The following PDE10A variants were observed in gnomAD, a reference collection of about 807,000 sequenced individuals.
PDE10A encodes the protein cAMP and cAMP-inhibited cGMP 3',5'-cyclic phosphodiesterase 10A.
PDE10A carries 39 observed loss-of-function variants against 97.7 expected under a neutral mutation model. That is an observed-to-expected ratio of 0.40 (90% confidence interval 0.31 to 0.52). PDE10A has a LOEUF of 0.52. Among genes scored for constraint, PDE10A ranks in the 20% least tolerant of loss-of-function variants. The pLI, the probability that PDE10A is intolerant of heterozygous loss-of-function variation, is 0.56. For synonymous variants in PDE10A, 371 were observed against 376.8 expected (o/e 0.98, Z 0.18); for missense variants, 731 against 1,047.8 (o/e 0.70, Z 4.17).
chr6:165,605,156 T>C (rs1183789851), intron 1 of PDE10A, among the ~76,000 whole-genome samples: 5 of 152,160 alleles, frequency 3.3e-5, no homozygotes, highest in African/African-American at 1.2e-4. Flanking sequence ...CTTCATCATC[T>C]CTCTCTACAG....
Position 165,974,967 on chromosome 6 carries a change from G to A in PDE10A, c.-615+12562C>T, listed in dbSNP as rs1784805727. Among the ~76,000 whole-genome samples the A allele has an allele frequency of 1.3e-5, 2 of 152,182 alleles. 1 individual carries two copies. The highest frequency in any genetic ancestry group is 1.3e-4 in the Admixed American group (2 of 15,276). ...GGGATATTTTGGCTGGGTTAACCGG[G>A]ACAAGGTATTCTTTCCTGGCTGCGC... On this transcript the variant is annotated intron_variant, in intron 1 of 19. Transcript: ENST00000366882.
chr6:165,629,059 G>A (rs1157052832), intron 1 of PDE10A, among the ~76,000 whole-genome samples: 2 of 151,896 alleles, frequency 1.3e-5, no homozygotes, highest in Non-Finnish European at 2.9e-5. Context: ...ACTATTTCAG[G>A]ATTTTTGATG....
intron 2 of PDE10A, among the ~76,000 whole-genome samples, chr6:165,542,609 G>GTCCTTTTTTTTTTTT (rs1783505959): frequency 1.0e-5 from 1 of 95,916 alleles, no homozygotes; most frequent in Non-Finnish European, 2.1e-5. Flanking sequence ...AGATGTCCTT[G>GTCCTTTTTTTTTTTT]TTCTTTTTTT....
intron 1 of PDE10A, among the ~76,000 whole-genome samples, chr6:165,876,782 A>G (rs2128479805): frequency 6.6e-6 from 1 of 152,316 alleles, no homozygotes; most frequent in East Asian, 1.9e-4. Context: ...AATTGTTTGG[A>G]GACTAAACTT....
rs1364528671 is a variant in PDE10A, at chr6:165,388,759, A to T, written c.2455-306T>A. On this transcript the variant is annotated intron_variant, in intron 16 of 21. Transcript: ENST00000539869. The surrounding 1 kb of genome is among the most constrained non-coding windows in gnomAD (Gnocchi z 4.0). Reference sequence around the variant, plus strand: ...GGTATCAACTTAAAGGTATAAAGCAAATGTTCCAAAAAAGTACAGATAAAG... The same window carrying T: ...GGTATCAACTTAAAGGTATAAAGCATATGTTCCAAAAAAGTACAGATAAAG... 6.6e-6 allele frequency among the ~76,000 whole-genome samples: 1 copy of T among 152,192 alleles called. No homozygotes were observed. Among genetic ancestry groups the T allele is most frequent in the Admixed American group, 6.5e-5 (1 of 15,276 alleles).
intron 17 of PDE10A, among the ~76,000 whole-genome samples, chr6:165,382,714 G>A (rs369909989): frequency 2.1e-4 from 30 of 144,554 alleles, no homozygotes; most frequent in African/African-American, 7.7e-4. Context: ...ATGATAAAAC[G>A]ATTACTATTA....
intron 1 of PDE10A, among the ~76,000 whole-genome samples, chr6:165,852,418 T>C (rs1780596203): frequency 6.6e-6 from 1 of 152,240 alleles, no homozygotes; most frequent in Non-Finnish European, 1.5e-5. Flanking sequence ...GAAAAATCTG[T>C]GATGCCTTCA....
At chr6:165,907,017 C>A (rs1012750765) in intron 1 of PDE10A, among the ~76,000 whole-genome samples, 5 of 152,206 alleles carry the variant, frequency 3.3e-5, no homozygotes, top group Non-Finnish European at 5.9e-5. Context: ...TGTCTTGGGA[C>A]CTTGACCCTT....
chr6:165,425,953 T>A, intron 10 of PDE10A, among the ~76,000 whole-genome samples: 1 of 152,128 alleles, frequency 6.6e-6, no homozygotes, highest in South Asian at 2.1e-4. Context: ...ATTCCATTTA[T>A]AATAGCATTA....
intron 3 of PDE10A, among the ~76,000 whole-genome samples, chr6:165,475,093 C>T (rs1305239556): frequency 4.6e-5 from 7 of 152,138 alleles, no homozygotes; most frequent in African/African-American, 1.7e-4. Context: ...TTCCACCATG[C>T]CCTGGAACTC....
intron 1 of PDE10A, among the ~76,000 whole-genome samples, chr6:165,741,503 T>A (rs1374592326): frequency 2.6e-5 from 4 of 152,200 alleles, no homozygotes; most frequent in Non-Finnish European, 5.9e-5. Context: ...GGCAGAAGTT[T>A]AAATTATACA....
At chr6:165,625,994 T>C (rs1562640977) in intron 1 of PDE10A, among the ~76,000 whole-genome samples, 1 of 152,134 alleles carries the variant, frequency 6.6e-6, no homozygotes, top group Admixed American at 6.5e-5. Context: ...TGGGACTAAG[T>C]GGGCGAAGAG....
intron 1 of PDE10A, among the ~76,000 whole-genome samples, chr6:165,574,443 T>G (rs1449387194): frequency 6.6e-6 from 1 of 152,194 alleles, no homozygotes; most frequent in Admixed American, 6.5e-5. Context: ...GTCACACCAC[T>G]GGAGCCAGGA....
intron 1 of PDE10A, among the ~76,000 whole-genome samples, chr6:165,958,747 G>GAAAGAAAGAAAGAAA (rs10654760): frequency 5.7e-5 from 6 of 106,134 alleles, no homozygotes; most frequent in Non-Finnish European, 1.2e-4. Flanking sequence ...AAGAAAGAAA[G>GAAAGAAAGAAAGAAA]AGAAAGAAAG....
chr6:165,569,735 T>A (rs556867437), intron 1 of PDE10A, among the ~76,000 whole-genome samples: 1 of 152,214 alleles, frequency 6.6e-6, no homozygotes, highest in Non-Finnish European at 1.5e-5. Flanking sequence ...TGTTACTCCC[T>A]ACTCTCATTC....
intron 1 of PDE10A, among the ~76,000 whole-genome samples, chr6:165,704,467 A>AT (rs936999495): frequency 4.6e-5 from 7 of 152,146 alleles, no homozygotes; most frequent in Admixed American, 2.6e-4. Context: ...TTTTATTTTT[A>AT]TTTTTTTGGT....
chr6:165,437,159 G>C (rs1790081286), intron 5 of PDE10A, among the ~76,000 whole-genome samples: 1 of 152,108 alleles, frequency 6.6e-6, no homozygotes, highest in Non-Finnish European at 1.5e-5. Context: ...CAGTAACTCT[G>C]TATTTTTTGC....
At position 165,769,555 on chromosome 6, in the gene PDE10A, CA is replaced by C. The variant is rs1777949814; in HGVS notation, c.-615+217973del. ...AAGAATGTATGCAGACTTCTGGCTG[CA>C]CACATCCTACACTCTGCCAAGCACG... On this transcript the variant is annotated intron_variant, in intron 1 of 19. Coordinates refer to the PDE10A transcript ENST00000366882. Among the ~76,000 whole-genome samples the C allele has an allele frequency of 3.9e-5, 6 of 152,306 alleles. No individual in the cohort carries two copies. In the South Asian group the frequency reaches 1.2e-3, roughly 32 times the overall value.
At chr6:165,465,614 C>A (rs542579709) in intron 3 of PDE10A, among the ~76,000 whole-genome samples, 2 of 152,256 alleles carry the variant, frequency 1.3e-5, no homozygotes, top group African/African-American at 4.8e-5. Flanking sequence ...ACTAGAGAGG[C>A]CTCAGGAAAC....
Sources: allele counts gnomAD v4.1 joint callset (sites outside exome capture counted in the v4.1 genomes callset), GRCh38; gene constraint gnomAD v4.1.1; non-coding constraint Gnocchi (gnomAD v3.1); transcripts MANE v1.5; gene names NCBI Gene and HGNC (gene_info 2026-07-23, HGNC 2026-07-21).